THSD4: variants seen among roughly 807,000 people sequenced by gnomAD.
THSD4 encodes the protein thrombospondin type-1 domain-containing protein 4.
In THSD4, 69 loss-of-function variants were observed where a neutral mutation model predicts 119.0. The observed-to-expected ratio is 0.58, with a 90% CI of 0.48 to 0.71. The LOEUF (loss-of-function observed/expected upper bound fraction) is 0.71. Ranked by LOEUF, THSD4 falls within the 30% of genes least tolerant of loss-of-function variation. THSD4 has a pLI of 0.00. For synonymous variants in THSD4, 524 were observed against 540.4 expected, an observed-to-expected ratio of 0.97 and a Z score of 0.42; for missense variants, 1,393 against 1,391.1, an observed-to-expected ratio of 1.00 and a Z score of -0.02.
At chr15:71,200,429 C>T (rs945063125) in intron 3 of THSD4, among the ~76,000 whole-genome samples, 4 of 151,916 alleles carry the variant, frequency 2.6e-5, no homozygotes, top group African/African-American at 7.3e-5. Context: ...GTATTATGGC[C>T]GAGGACCCTG....
intron 12 of THSD4, among the ~76,000 whole-genome samples, chr15:71,745,731 G>A (rs761193645): frequency 1.3e-5 from 2 of 152,134 alleles, no homozygotes; most frequent in African/African-American, 2.4e-5. Flanking sequence ...AGCAAACTCC[G>A]CCTCCTGGAT....
At chr15:71,691,387 C>A (rs1284671711) in intron 8 of THSD4, among the ~76,000 whole-genome samples, 1 of 152,200 alleles carries the variant, frequency 6.6e-6, no homozygotes, top group African/African-American at 2.4e-5. Context: ...ATCAACACAT[C>A]CTGCTACTCA....
At chr15:71,241,923 C>T (rs1353935568) in intron 4 of THSD4, among the ~76,000 whole-genome samples, 1 of 152,050 alleles carries the variant, frequency 6.6e-6, no homozygotes, top group Non-Finnish European at 1.5e-5. Context: ...TTTTTTAGCT[C>T]ATCAACTGTC....
chr15:71,771,786 C>T (rs573388525), intron 17 of THSD4, among the ~76,000 whole-genome samples: 34 of 152,268 alleles, frequency 2.2e-4, no homozygotes, highest in Middle Eastern at 3.4e-3. Flanking sequence ...TCAGAAGACC[C>T]CAACCTGCAC....
At chr15:71,760,150 T>TG (rs1311462909) in intron 15 of THSD4, among the ~76,000 whole-genome samples, 1 of 152,186 alleles carries the variant, frequency 6.6e-6, no homozygotes, top group African/African-American at 2.4e-5. Flanking sequence ...CTGGTCACAG[T>TG]GATTAGTCCA....
chr15:71,586,492 G>A (rs749079917), intron 7 of THSD4, among the ~76,000 whole-genome samples: 6 of 152,100 alleles, frequency 3.9e-5, no homozygotes, highest in Non-Finnish European at 8.8e-5. Context: ...CCATTTCCTT[G>A]TTGGCCCTCA....
At chr15:71,673,873 C>G (rs998956948) in intron 8 of THSD4, among the ~76,000 whole-genome samples, 1 of 152,190 alleles carries the variant, frequency 6.6e-6, no homozygotes, top group African/African-American at 2.4e-5. Context: ...TCTCCTGCCT[C>G]AGCCTCCCGA....
chr15:71,653,356 A>ATC (rs2051129338), intron 7 of THSD4, among the ~76,000 whole-genome samples: 1 of 152,170 alleles, frequency 6.6e-6, no homozygotes, highest in Non-Finnish European at 1.5e-5. Flanking sequence ...TTTCTGGGGA[A>ATC]TCTGTCATGT....
chr15:71,128,344 C>T (rs966931200), intron 1 of THSD4, among the ~76,000 whole-genome samples: 3 of 151,746 alleles, frequency 2.0e-5, no homozygotes, highest in East Asian at 1.9e-4. Flanking sequence ...CTGGCCAACA[C>T]GGTGAAATCC....
intron 7 of THSD4, among the ~76,000 whole-genome samples, chr15:71,620,786 T>C (rs995343381): frequency 2.0e-5 from 3 of 152,112 alleles, no homozygotes; most frequent in African/African-American, 7.2e-5. Flanking sequence ...CATAGACTTA[T>C]TGCTCTGGTG....
In THSD4 at chr15:71,360,191, G is replaced by A. The variant is rs542526411; in HGVS notation, c.1016-51496G>A. On this transcript the variant is annotated intron_variant, in intron 6 of 17. Coordinates refer to ENST00000261862, the MANE Select transcript of THSD4 (RefSeq NM_024817.3). The stretch of plus-strand genomic sequence containing the variant: ...TCTCCCTTCCTATGTGAGGAAGCTC[G>A]TGTTGTGTTGGCTTCCTCACAACAT... Among the ~76,000 whole-genome samples, 9 of 152,216 alleles carry A rather than the reference G, an allele frequency of 5.9e-5. No homozygotes were observed. In the South Asian group the frequency reaches 1.9e-3, roughly 32 times the overall value.
At chr15:71,681,807 G>A (rs193018585) in intron 8 of THSD4, among the ~76,000 whole-genome samples, 71 of 152,292 alleles carry the variant, frequency 4.7e-4, no homozygotes, top group Admixed American at 3.5e-3. Flanking sequence ...GCTTGAGGTG[G>A]TACCAAGATG....
intron 3 of THSD4, among the ~76,000 whole-genome samples, chr15:71,188,429 G>C (rs534067048): frequency 6.6e-6 from 1 of 152,272 alleles, no homozygotes; most frequent in East Asian, 1.9e-4. Context: ...AGGCTTGAAA[G>C]GCAGGTGAGG....
intron 1 of THSD4, among the ~76,000 whole-genome samples, chr15:71,129,826 CAT>C (rs2040487253): frequency 6.6e-6 from 1 of 152,162 alleles, no homozygotes; most frequent in East Asian, 1.9e-4. Context: ...AAAATAATGA[CAT>C]AACTCAAACG....
chr15:71,629,382 C>G (rs1222727134), intron 7 of THSD4, among the ~76,000 whole-genome samples: 1 of 152,170 alleles, frequency 6.6e-6, no homozygotes, highest in Non-Finnish European at 1.5e-5. Flanking sequence ...GCATCAAGCA[C>G]TGTTGAGAGA....
chr15:71,300,453 G>A (rs565903317), intron 6 of THSD4, among the ~76,000 whole-genome samples: 45 of 152,304 alleles, frequency 3.0e-4, no homozygotes, highest in Non-Finnish European at 5.4e-4. Context: ...CATAGGGACA[G>A]CTGGGAACTT....
intron 7 of THSD4, among the ~76,000 whole-genome samples, chr15:71,435,511 A>AGT (rs2047000792): frequency 6.6e-6 from 1 of 152,228 alleles, no homozygotes; most frequent in Admixed American, 6.5e-5. Flanking sequence ...TTATCTCATA[A>AGT]GTGACTCAAG....
At chr15:71,284,359 T>C (rs1302011707) in intron 6 of THSD4, among the ~76,000 whole-genome samples, 1 of 152,204 alleles carries the variant, frequency 6.6e-6, no homozygotes, top group African/African-American at 2.4e-5. Flanking sequence ...GTTGGTGTTA[T>C]ATATTGAGAA....
intron 6 of THSD4, among the ~76,000 whole-genome samples, chr15:71,396,965 C>T (rs543749837): frequency 2.3e-4 from 35 of 152,346 alleles, no homozygotes; most frequent in African/African-American, 7.5e-4. Context: ...GAACTTTCTA[C>T]GAACAGGAAG....
Sources: gnomAD v4.1 joint callset for allele counts (sites outside exome capture counted in the v4.1 genomes callset) on GRCh38, gnomAD v4.1.1 for gene constraint, MANE v1.5 for transcripts, NCBI Gene and HGNC (gene_info 2026-07-23, HGNC 2026-07-21) for gene names.